TARS2: variants seen among roughly 807,000 people sequenced by gnomAD.
TARS2 encodes threonyl-tRNA synthetase 2, mitochondrial, also known as threonine--tRNA ligase, mitochondrial.
TARS2 carries 61 observed loss-of-function variants against 94.4 expected under a neutral mutation model. The observed-to-expected ratio is 0.65, with a 90% CI of 0.53 to 0.80. TARS2 has a LOEUF of 0.80. Among genes scored for constraint, TARS2 ranks in the 30% least tolerant of loss-of-function variants. The pLI is 0.00. For missense variants in TARS2, 704 were observed against 902.5 expected (o/e 0.78, Z 2.82); for synonymous variants, 359 against 353.4 (o/e 1.02, Z -0.18).
chr1:150,499,509 G>A (rs1189454085), intron 13 of TARS2, among the ~76,000 whole-genome samples: 1 of 151,988 alleles, frequency 6.6e-6, no homozygotes. Flanking sequence ...GATTACAGGT[G>A]TACGCCACCA....
Position 150,498,887 on chromosome 1 carries a change from C to T in TARS2, c.1402-10C>T. ...CTCACAGCTCACTGACCCTTATTTC[C>T]TGCCCCTAGCTGGAAGCAGAGATCC... On this transcript the variant is annotated splice_polypyrimidine_tract_variant and intron_variant, in intron 11 of 17. Transcript: ENST00000369064. 3.1e-6 allele frequency: 5 copies of T among 1,614,204 alleles called. No homozygotes were observed. Among genetic ancestry groups the T allele is most frequent in the Non-Finnish European group, 4.2e-6 (5 of 1,180,028 alleles).
chr1:150,504,484 A>T (rs752563286), intron 14 of TARS2, 49 bp downstream of exon 14: 26 of 1,600,708 alleles, frequency 1.6e-5, no homozygotes, highest in Non-Finnish European at 2.1e-5. Flanking sequence ...GCATGGAATA[A>T]GTCCTTCTGC....
chr1:150,489,982 G>A (rs1669311207), intron 3 of TARS2, among the ~76,000 whole-genome samples: 1 of 152,070 alleles, frequency 6.6e-6, no homozygotes, highest in Non-Finnish European at 1.5e-5. Context: ...GCTTACAGGA[G>A]CAGCAGAAGA....
Position 150,504,652 on chromosome 1 carries a change from G to A in TARS2, c.1739G>A (p.Arg580His), listed in dbSNP as rs769006957. Residue 580 changes from arginine to histidine, a missense_variant, in exon 15 of 18, where the codon CGT (arginine) becomes CAT (histidine). By Grantham distance (29) the Arg-to-His change is conservative. Around this residue, in one of 3 missense-constraint regions of TARS2, gnomAD observed 466 missense variants for 609.5 expected, o/e 0.76. Transcript: ENST00000369064. ...QYKGQAGALE[R>H]PVLIHRAVLG... is the part of the protein sequence containing the mutation. ...TCAAGGCAGGCGGGTGCCCTGGAGC[G>A]TCCAGTCCTCATTCACCGAGCAGTG... 1.1e-5 allele frequency: 18 copies of A among 1,613,772 alleles called. No homozygotes were observed. The highest frequency in any genetic ancestry group is 4.4e-5 in the South Asian group (4 of 91,072).
chr1:150,488,469 T>TCTC (rs2102471815), intron 2 of TARS2: 1 of 171,122 alleles, frequency 5.8e-6, no homozygotes. Flanking sequence ...GATGAGCAAC[T>TCTC]TTCTCCCCAC....
chr1:150,490,835 C>T lies in TARS2; in HGVS notation c.512+110C>T, dbSNP rs587683260. ...TGAGGAAGCTGGAGGAGAAGGGTTT[C>T]TCTAGGTCTCAACTATGACATTAGT... On this transcript the variant is annotated intron_variant, in intron 4 of 17. Coordinates refer to ENST00000369064, the MANE Select transcript of TARS2 (RefSeq NM_025150.5). 19 of 1,482,160 alleles carry T rather than the reference C, an allele frequency of 1.3e-5. 1 individual carries two copies. In the South Asian group the frequency reaches 2.1e-4, roughly 17 times the overall value. 91.8% of individuals were successfully genotyped at this position (1,482,160 alleles called of 1,614,324 possible). A position where few individuals can be genotyped will look rare whatever the true frequency, so the allele number is the denominator to read the frequency against.
intron 13 of TARS2, among the ~76,000 whole-genome samples, chr1:150,502,640 C>G (rs190207487): frequency 2.0e-5 from 3 of 152,206 alleles, no homozygotes; most frequent in Admixed American, 2.0e-4. Context: ...CCACCTACCT[C>G]GGCCTCCCAA....
intron 13 of TARS2, among the ~76,000 whole-genome samples, 196 bp downstream of exon 13, chr1:150,499,489 G>A (rs151171909): frequency 1.3e-5 from 2 of 151,842 alleles, no homozygotes; most frequent in African/African-American, 2.4e-5. Context: ...TCAGCCTCCC[G>A]AGTAGCTGGG....
intron 13 of TARS2, among the ~76,000 whole-genome samples, chr1:150,503,835 G>A (rs1012238507): frequency 1.3e-5 from 2 of 150,478 alleles, no homozygotes; most frequent in African/African-American, 4.9e-5. Flanking sequence ...CCCGGGAGGC[G>A]GAGGCTGCAG....
intron 6 of TARS2, chr1:150,491,978 T>TG: frequency 3.6e-6 from 1 of 275,206 alleles, no homozygotes. Context: ...TTTTTTTTTT[T>TG]TTTTTTGAGA....
chr1:150,496,545 T>C lies in TARS2; in HGVS notation c.838T>C (p.Ser280Pro). Residue 280 changes from serine to proline, a missense_variant, in exon 8 of 18, where the codon TCC becomes CCC. Ser to Pro is a moderately conservative substitution (Grantham distance 74). Coordinates refer to ENST00000369064, the MANE Select transcript of TARS2 (RefSeq NM_025150.5). ...GACACTGCAGAGAGTGTCAGGGATTTCCTTCCCCACAACAGAATTGCTGAG... is the reference window on the plus strand; with the variant it reads ...GACACTGCAGAGAGTGTCAGGGATTCCCTTCCCCACAACAGAATTGCTGAG... ...PETLQRVSGI[S>P]FPTTELLRVW... 6.2e-7 allele frequency: 1 copy of C among 1,614,146 alleles called. No homozygotes were observed. The highest frequency in any genetic ancestry group is 1.1e-5 in the South Asian group (1 of 91,084).
chr1:150,491,961 G>GTTT lies in TARS2; in HGVS notation c.695+320_695+322dup, dbSNP rs367685337. On this transcript the variant is annotated intron_variant, in intron 6 of 17. Coordinates refer to ENST00000369064, the MANE Select transcript of TARS2 (RefSeq NM_025150.5). ...AGGCATGTGCCACCATGCCTGGCTA[G>GTTT]TTTTTTTTTTTTTTTTTTTTTTTGA... 6,022 of 128,022 alleles carry GTTT rather than the reference G, an allele frequency of 0.047. 247 individuals are homozygous for GTTT. The highest frequency in any genetic ancestry group is 0.094 in the African/African-American group (2,267 of 24,136). The allele number at this position is 128,022 out of a possible 1,614,324, so 7.9% of individuals were successfully genotyped here.
intron 4 of TARS2, among the ~76,000 whole-genome samples, chr1:150,491,065 CAAAA>C (rs1669360405): frequency 1.4e-5 from 1 of 72,822 alleles, no homozygotes; most frequent in African/African-American, 3.4e-5. Flanking sequence ...AAAAAAAAAA[CAAAA>C]AGAAAAAGAA....
intron 6 of TARS2, chr1:150,491,890 G>T: frequency 2.1e-6 from 1 of 469,352 alleles, no homozygotes; most frequent in East Asian, 4.1e-5. Flanking sequence ...CGCCTCCTGG[G>T]TTCAAGTGAT....
In TARS2 at chr1:150,497,802, C is replaced by T. The variant is rs1012940703; in HGVS notation, c.1238+55C>T. 9 of 1,542,160 alleles carry T rather than the reference C, an allele frequency of 5.8e-6. No homozygotes were observed. The East Asian group carries it at 1.9e-4, about 33-fold the overall frequency. ...TTGCTAAATATTAAATAATAGAAAG[C>T]ACCTTGGGGCCGGGCACGGTGGCTC... On this transcript the variant is annotated intron_variant, in intron 10 of 17. Transcript: ENST00000369064.
chr1:150,489,022 G>C lies in TARS2; in HGVS notation c.322G>C (p.Glu108Gln), dbSNP rs114986628. 6.2e-7 allele frequency: 1 copy of C among 1,614,220 alleles called. No homozygotes were observed. Among genetic ancestry groups the C allele is most frequent in the Non-Finnish European group, 8.5e-7 (1 of 1,180,042 alleles). ...AQVNGEPYDL[E>Q]RPLETDSDLR... ...AGTGAATGGAGAACCTTATGATCTG[G>C]AGCGGCCCTTGGAGACAGATTCTGA... The change falls in exon 3 of 18, where the codon GAG (glutamate) becomes CAG (glutamine). Residue 108 changes from glutamate (E) to glutamine (Q), a missense_variant. This residue lies in a region of TARS2 where 208 missense variants were observed against 228.5 expected (regional missense o/e 0.91). Coordinates refer to ENST00000369064, the MANE Select transcript of TARS2 (RefSeq NM_025150.5).
chr1:150,498,636 A>G lies in TARS2; in HGVS notation c.1373A>G (p.Asp458Gly), dbSNP rs1669776262. The G allele has an allele frequency of 3.1e-6, 5 of 1,612,804 alleles. No individual in the cohort carries two copies. Among genetic ancestry groups the G allele is most frequent in the Non-Finnish European group, 4.2e-6 (5 of 1,179,636 alleles). Residue 458 changes from aspartate (D) to glycine (G), a missense_variant, in exon 11 of 18, where the codon GAC becomes GGC. By Grantham distance (94) the Asp-to-Gly change is moderately conservative. Transcript: ENST00000369064. Reference sequence around the variant, plus strand: ...CGACTGCGGTGCTTCCAGCAGGATGACGCTCACATCTTCTGTACAACAGAT... The same window carrying G: ...CGACTGCGGTGCTTCCAGCAGGATGGCGCTCACATCTTCTGTACAACAGAT... The part of the protein sequence containing the change: ...LTRLRCFQQD[D>G]AHIFCTTDQL...
chr1:150,506,356 G>C (rs762152670), intron 17 of TARS2, among the ~76,000 whole-genome samples: 26 of 152,014 alleles, frequency 1.7e-4, no homozygotes, highest in Non-Finnish European at 3.2e-4. Context: ...GACACCAAGA[G>C]CCAGAGTGGG....
intron 13 of TARS2, among the ~76,000 whole-genome samples, chr1:150,503,545 A>ATGTGTGTGTGTGTGTGTG (rs368609900): frequency 1.0e-5 from 1 of 95,576 alleles, no homozygotes; most frequent in South Asian, 2.9e-4. Flanking sequence ...AAATACACAT[A>ATGTGTGTGTGTGTGTGTG]TGTGTGTGTG....
Sources: allele counts gnomAD v4.1 joint callset (sites outside exome capture counted in the v4.1 genomes callset), GRCh38; gene constraint gnomAD v4.1.1; regional missense constraint gnomAD v4.1.1; transcripts MANE v1.5; gene names NCBI Gene and HGNC (gene_info 2026-07-23, HGNC 2026-07-21).